The following SGIP1 variants were observed in gnomAD, a reference collection of about 807,000 sequenced individuals.
SGIP1 encodes the protein SH3-containing GRB2-like protein 3-interacting protein 1.
In SGIP1, 38 loss-of-function variants were observed where a neutral mutation model predicts 107.5. That is an observed-to-expected ratio of 0.35 (90% CI 0.27 to 0.46). The LOEUF is 0.46. Ranked by LOEUF, SGIP1 falls within the 20% of genes least tolerant of loss-of-function variation. The pLI is 1.00. For missense variants in SGIP1, 929 were observed against 1,019.5 expected (o/e 0.91, Z 1.21); for synonymous variants, 365 against 366.1 (o/e 1.00, Z 0.03).
intron 1 of SGIP1, among the ~76,000 whole-genome samples, chr1:66,537,103 G>A (rs1031692593): frequency 3.3e-5 from 5 of 152,138 alleles, no homozygotes; most frequent in Non-Finnish European, 7.4e-5. Flanking sequence ...GGAAGTCAAC[G>A]AAATAATTCC....
chr1:66,601,981 C>T (rs189206548), intron 1 of SGIP1, among the ~76,000 whole-genome samples: 4 of 152,326 alleles, frequency 2.6e-5, no homozygotes, highest in East Asian at 3.9e-4. Flanking sequence ...CTGTAGACCT[C>T]ACCTTTCTGA....
At chr1:66,630,281 G>T (rs2073975683) in intron 2 of SGIP1, among the ~76,000 whole-genome samples, 1 of 152,150 alleles carries the variant, frequency 6.6e-6, no homozygotes, top group African/African-American at 2.4e-5. Context: ...CTTGTACCTG[G>T]ATTCACAGTG....
At chr1:66,740,832 A>G in intron 23 of SGIP1, 110 bp downstream of exon 23, 2 of 693,204 alleles carry the variant, frequency 2.9e-6, no homozygotes, top group South Asian at 1.9e-5. Context: ...AGAATATTTC[A>G]CTCCATTTTT....
chr1:66,673,194 A>C, intron 11 of SGIP1, 87 bp from the exon 12 acceptor site: 1 of 1,394,458 alleles, frequency 7.2e-7, no homozygotes, highest in South Asian at 1.2e-5. Flanking sequence ...TGTTTCACTA[A>C]GAAAAATATG....
At chr1:66,601,031 A>G (rs2149017323) in intron 1 of SGIP1, among the ~76,000 whole-genome samples, 1 of 152,296 alleles carries the variant, frequency 6.6e-6, no homozygotes, top group Middle Eastern at 3.4e-3. Flanking sequence ...CACAGATTGT[A>G]GTGCTTCGCT....
intron 2 of SGIP1, 21 bp from the exon 3 acceptor site, chr1:66,633,049 A>G: frequency 1.4e-6 from 2 of 1,466,438 alleles, no homozygotes; most frequent in Non-Finnish European, 9.5e-7. Context: ...CATAATAGCT[A>G]TCAATTTCTT....
chr1:66,539,939 C>T (rs11208902), intron 1 of SGIP1, among the ~76,000 whole-genome samples: 79,579 of 151,950 alleles, frequency 0.52, 21,272 homozygotes, highest in South Asian at 0.76. Context: ...TCCACGAAGG[C>T]AGAAATCTGG....
intron 4 of SGIP1, among the ~76,000 whole-genome samples, chr1:66,639,524 T>A (rs7548488): frequency 0.13 from 19,682 of 152,232 alleles, 1,363 homozygotes; most frequent in Admixed American, 0.18. Flanking sequence ...CAGTTCATCG[T>A]TAATATCCCT....
chr1:66,658,737 G>A lies in SGIP1; in HGVS notation c.460-1776G>A, dbSNP rs148393039. On this transcript the variant is annotated intron_variant, in intron 7 of 24. Coordinates refer to ENST00000371037, the MANE Select transcript of SGIP1 (RefSeq NM_032291.4). The stretch of plus-strand genomic sequence containing the variant: ...AAATTGCAGAAATGTACTAGCAATG[G>A]GTACCTTTGTTCCCTGAGGCTAATA... Among the ~76,000 whole-genome samples, 639 of 152,250 alleles carry A rather than the reference G, an allele frequency of 4.2e-3. 4 individuals carry two copies. Among genetic ancestry groups the A allele is most frequent in the African/African-American group, 0.015 (612 of 41,534 alleles).
chr1:66,588,875 T>G (rs2063108523), intron 1 of SGIP1, among the ~76,000 whole-genome samples: 1 of 151,612 alleles, frequency 6.6e-6, no homozygotes, highest in Admixed American at 6.6e-5. Flanking sequence ...CATTTGAATT[T>G]TAAGGTTTTA....
At chr1:66,716,469 C>A (rs2093250174) in intron 18 of SGIP1, among the ~76,000 whole-genome samples, 1 of 152,058 alleles carries the variant, frequency 6.6e-6, no homozygotes, top group South Asian at 2.1e-4. Context: ...CCTAAGAAAT[C>A]TCCTCACCTA....
chr1:66,694,478 T>G lies in SGIP1; in HGVS notation c.1571-956T>G, dbSNP rs189825968. 132 of 1,607,630 alleles carry G rather than the reference T, an allele frequency of 8.2e-5. No individual in the cohort carries two copies. In the Admixed American group the frequency reaches 2.1e-3, roughly 26 times the overall value. On this transcript the variant is annotated intron_variant, in intron 17 of 24. Transcript: ENST00000371037. ...GTTTTTTATGACAAACTGCCCTCGT[T>G]TGAAAGGCGCTGTGAAACGCCTGCA...
intron 15 of SGIP1, among the ~76,000 whole-genome samples, chr1:66,682,988 A>G (rs1571772264): frequency 6.6e-6 from 1 of 152,310 alleles, no homozygotes; most frequent in African/African-American, 2.4e-5. Flanking sequence ...GCTGTCACTG[A>G]AGACAAACTT....
chr1:66,611,999 A>G (rs2068119277), intron 1 of SGIP1, among the ~76,000 whole-genome samples: 2 of 150,360 alleles, frequency 1.3e-5, no homozygotes, highest in African/African-American at 4.9e-5. Flanking sequence ...GCTATAAGGA[A>G]ATACCTGAGA....
At position 66,750,351 on chromosome 1, in the gene SGIP1, A is replaced by AT. The variant is rs1244654098; in HGVS notation, c.*7264dup. On this transcript the variant is annotated 3_prime_UTR_variant, in exon 25 of 25. Transcript: ENST00000371037. Reference sequence around the variant, plus strand: ...TACTAAGTGGCCATGTAAGGCATTGATTTTTTTTAAACTTGAACAATGCAA... The same window carrying AT: ...TACTAAGTGGCCATGTAAGGCATTGATTTTTTTTTAAACTTGAACAATGCAA... Among the ~76,000 whole-genome samples, 2 of 152,006 alleles carry AT rather than the reference A, an allele frequency of 1.3e-5. No homozygotes were observed. The highest frequency in any genetic ancestry group is 4.8e-5 in the African/African-American group (2 of 41,366).
rs747331285 is a variant in SGIP1, at chr1:66,741,416, T to C, written c.2444T>C (p.Ile815Thr). The change falls in exon 24 of 25, where the codon ATC (isoleucine) becomes ACC (threonine). Residue 815 changes from isoleucine (I) to threonine (T), a missense_variant. Physicochemically the swap from Ile to Thr is moderately conservative, Grantham distance 89. Transcript: ENST00000371037. ...LVGAGYRFSL[I>T]KKRFAAGKYL... ...GGAGCAGGGTATCGATTTTCACTCA[T>C]CAAGAAAAGGTTTGCTGCAGGTAAA... The C allele has an allele frequency of 3.2e-6, 5 of 1,586,088 alleles. No homozygotes were observed. The East Asian group carries it at 6.8e-5, about 22-fold the overall frequency.
chr1:66,636,341 C>A (rs2075774795), intron 4 of SGIP1, among the ~76,000 whole-genome samples: 1 of 152,160 alleles, frequency 6.6e-6, no homozygotes, highest in Admixed American at 6.5e-5. Flanking sequence ...ATAGAAATAT[C>A]ACCACATAAA....
chr1:66,572,426 G>A (rs1041231744), intron 1 of SGIP1, among the ~76,000 whole-genome samples: 6 of 151,744 alleles, frequency 4.0e-5, no homozygotes, highest in Non-Finnish European at 8.8e-5. Context: ...TTTTTTTCCC[G>A]ACCCAGCAAT....
chr1:66,679,677 G>A lies in SGIP1; in HGVS notation c.740-1G>A. 6.2e-7 allele frequency: 1 copy of A among 1,603,170 alleles called. No individual in the cohort carries two copies. Among genetic ancestry groups the A allele is most frequent in the Non-Finnish European group, 8.5e-7 (1 of 1,176,752 alleles). The stretch of plus-strand genomic sequence containing the variant: ...ATACTTAATTTCTCATCTTTTTGCA[G>A]CACCTCCACCACTGCCTCCAAAAAA... On this transcript the variant is annotated splice_acceptor_variant, in intron 13 of 24. Transcript: ENST00000371037. LOFTEE classifies it high-confidence loss of function.
Sources: allele counts gnomAD v4.1 joint callset (sites outside exome capture counted in the v4.1 genomes callset), GRCh38; gene constraint gnomAD v4.1.1; transcripts MANE v1.5; gene names NCBI Gene and HGNC (gene_info 2026-07-23, HGNC 2026-07-21).